Variants in EPS15L1 observed in about 807,000 individuals in gnomAD.
EPS15L1 encodes the protein epidermal growth factor receptor pathway substrate 15 like 1.
Under a neutral mutation model 117.1 loss-of-function variants are expected in EPS15L1, and 43 were observed. The observed-to-expected ratio is 0.37, with a 90% CI of 0.29 to 0.47. The LOEUF (loss-of-function observed/expected upper bound fraction) is 0.47, where lower values mean the gene tolerates loss of function less well. EPS15L1 is among the 20% of genes least tolerant of loss of function. The pLI is 0.99. For synonymous variants in EPS15L1, 459 were observed against 470.5 expected (o/e 0.98, Z 0.32); for missense variants, 981 against 1,164.0 (o/e 0.84, Z 2.29).
Position 16,386,115 on chromosome 19 carries a change from G to C in EPS15L1, c.2164+56C>G. On this transcript the variant is annotated intron_variant, in intron 20 of 23. Coordinates refer to ENST00000455140, the MANE Select transcript of EPS15L1 (RefSeq NM_001258374.3). Reference sequence around the variant, plus strand: ...GGGAGTGAAAGTGTTAACTGCGGGGGAGCTCTGCTACTGCCCAAGGAATAG... The same window carrying C: ...GGGAGTGAAAGTGTTAACTGCGGGGCAGCTCTGCTACTGCCCAAGGAATAG... The C allele has an allele frequency of 2.2e-6, 3 of 1,336,770 alleles. No individual in the cohort carries two copies. In the South Asian group the frequency reaches 3.6e-5, roughly 16 times the overall value. The allele number at this position is 1,336,770 out of a possible 1,614,324, so 82.8% of individuals were successfully genotyped here.
intron 16 of EPS15L1, 73 bp from the exon 17 acceptor site, chr19:16,395,540 T>G (rs2092530939): frequency 6.9e-7 from 1 of 1,448,262 alleles, no homozygotes. Flanking sequence ...AATTCCATAC[T>G]TAACTCACAT....
chr19:16,378,887 C>T (rs1224457604), intron 21 of EPS15L1, among the ~76,000 whole-genome samples: 1 of 152,184 alleles, frequency 6.6e-6, no homozygotes, highest in East Asian at 1.9e-4. Flanking sequence ...AAAATAACTA[C>T]ATTTTTACTA....
At chr19:16,449,780 C>G (rs1358698673) in intron 1 of EPS15L1, among the ~76,000 whole-genome samples, 1 of 152,098 alleles carries the variant, frequency 6.6e-6, no homozygotes, top group East Asian at 1.9e-4. Flanking sequence ...GTTCAGCAAA[C>G]TGTGGTCCAA....
intron 18 of EPS15L1, 35 bp downstream of exon 18, chr19:16,393,916 G>A (rs768063466): frequency 1.9e-6 from 3 of 1,608,046 alleles, no homozygotes; most frequent in Non-Finnish European, 2.6e-6. Flanking sequence ...ACTGGACACA[G>A]TCTAAAGACC....
Position 16,355,658 on chromosome 19 carries a change from T to C in EPS15L1, c.*47A>G, listed in dbSNP as rs1039199834. ...ATATATAGACATCTGCACTGCCCCC[T>C]CTCTGGAACCCGCCCGTGCCCTGTC... On this transcript the variant is annotated 3_prime_UTR_variant, in exon 24 of 24. Coordinates refer to ENST00000455140, the MANE Select transcript of EPS15L1 (RefSeq NM_001258374.3). 2 of 1,522,774 alleles carry C rather than the reference T, an allele frequency of 1.3e-6. No individual in the cohort carries two copies. Among genetic ancestry groups the C allele is most frequent in the Non-Finnish European group, 1.8e-6 (2 of 1,137,626 alleles). 94.3% of individuals were successfully genotyped at this position (1,522,774 alleles called of 1,614,324 possible). A position where few individuals can be genotyped will look rare whatever the true frequency, so the allele number is the denominator to read the frequency against.
chr19:16,408,974 C>T (rs1487158761), intron 13 of EPS15L1, among the ~76,000 whole-genome samples: 1 of 152,134 alleles, frequency 6.6e-6, no homozygotes, highest in Non-Finnish European at 1.5e-5. Flanking sequence ...GTAATCCCAA[C>T]ACTTTGAGAG....
At chr19:16,414,598 G>C (rs973200489) in intron 12 of EPS15L1, among the ~76,000 whole-genome samples, 1 of 151,824 alleles carries the variant, frequency 6.6e-6, no homozygotes, top group Non-Finnish European at 1.5e-5. Flanking sequence ...ACGGGGTTTC[G>C]CTGTGTTGGC....
intron 19 of EPS15L1, 122 bp from the exon 20 acceptor site, chr19:16,386,353 A>G (rs1387050691): frequency 3.9e-6 from 3 of 773,170 alleles, no homozygotes; most frequent in Non-Finnish European, 6.7e-6. Flanking sequence ...GGAAAGTGGA[A>G]TGATTAAAAC....
intron 13 of EPS15L1, chr19:16,413,466 G>T: frequency 2.7e-6 from 2 of 742,314 alleles, no homozygotes; most frequent in Admixed American, 2.3e-5. Context: ...CCTCTGGAAG[G>T]AGACTGTATT....
At chr19:16,392,112 AG>A (rs1404821192) in intron 19 of EPS15L1, among the ~76,000 whole-genome samples, 191 bp downstream of exon 19, 1 of 152,164 alleles carries the variant, frequency 6.6e-6, no homozygotes, top group Admixed American at 6.6e-5. Context: ...TGCAGTGACT[AG>A]GCCAGTGAGC....
intron 12 of EPS15L1, among the ~76,000 whole-genome samples, chr19:16,416,036 T>C (rs533556538): frequency 3.3e-5 from 5 of 152,344 alleles, no homozygotes; most frequent in African/African-American, 9.6e-5. Flanking sequence ...ACTCAGGCCG[T>C]GGCTCAGGTT....
rs369757727 is a variant in EPS15L1, at chr19:16,441,629, C to CAAA, written c.165+260_165+262dup. 164 of 86,982 alleles carry CAAA rather than the reference C, an allele frequency of 1.9e-3. 1 individual carries two copies. The highest frequency in any genetic ancestry group is 3.7e-3 in the South Asian group (10 of 2,706). The allele number at this position is 86,982 out of a possible 1,614,324, so 5.4% of individuals were successfully genotyped here. A position where few individuals can be genotyped will look rare whatever the true frequency, so the allele number is the denominator to read the frequency against. On this transcript the variant is annotated intron_variant, in intron 3 of 23. Coordinates refer to ENST00000455140, the MANE Select transcript of EPS15L1 (RefSeq NM_001258374.3). ...AGGCAACAAGAGCGAAACTCTGTCT[C>CAAA]AAAAAAAAAAAAAAAAAAAAAAGTC...
chr19:16,403,064 A>C (rs1230440960), intron 15 of EPS15L1, among the ~76,000 whole-genome samples: 1 of 152,198 alleles, frequency 6.6e-6, no homozygotes, highest in Non-Finnish European at 1.5e-5. Context: ...ACAGACAGAG[A>C]CCAGTTCAAT....
At chr19:16,450,173 G>A (rs2093126109) in intron 1 of EPS15L1, among the ~76,000 whole-genome samples, 1 of 152,148 alleles carries the variant, frequency 6.6e-6, no homozygotes, top group South Asian at 2.1e-4. Context: ...CCTGAGCCCA[G>A]GAGTTCAAGG....
chr19:16,388,322 G>A (rs186112716), intron 19 of EPS15L1, among the ~76,000 whole-genome samples: 5 of 152,316 alleles, frequency 3.3e-5, no homozygotes, highest in East Asian at 3.9e-4. Flanking sequence ...TTATAGGAAT[G>A]AGCCACTGAA....
Position 16,389,135 on chromosome 19 carries a change from G to A in EPS15L1, c.2104-2904C>T, listed in dbSNP as rs374113216. ...CAGAAATCGCTTGAACTTGGGAGGC[G>A]GAGGTTGGAAAAAAAAAAAGAAAAG... On this transcript the variant is annotated intron_variant, in intron 19 of 23. Transcript: ENST00000455140. 3.2e-4 allele frequency among the ~76,000 whole-genome samples: 48 copies of A among 151,414 alleles called. 1 individual carries two copies. Among genetic ancestry groups the A allele is most frequent in the African/African-American group, 1.1e-3 (44 of 41,130 alleles).
rs747366519 is a variant in EPS15L1 at position 16,425,327 on chromosome 19, AAAC to A, written c.559-14_559-12del. The A allele has an allele frequency of 1.1e-5, 17 of 1,564,214 alleles. No individual in the cohort carries two copies. Among genetic ancestry groups the A allele is most frequent in the Non-Finnish European group, 1.2e-5 (14 of 1,148,942 alleles). On this transcript the variant is annotated splice_polypyrimidine_tract_variant and intron_variant, in intron 8 of 23. Transcript: ENST00000455140. ...CACCAAGTGCATGGCCTGCAGGTGC[AAAC>A]AACAATGGCACTGAAGGGGCAAGGC...
chr19:16,437,473 C>A (rs1473403182), intron 5 of EPS15L1, among the ~76,000 whole-genome samples: 1 of 152,074 alleles, frequency 6.6e-6, no homozygotes, highest in Non-Finnish European at 1.5e-5. Flanking sequence ...TGGTTGCCAG[C>A]GACTGGGAGG....
intron 1 of EPS15L1, among the ~76,000 whole-genome samples, chr19:16,468,706 G>A (rs530235981): frequency 1.3e-5 from 2 of 150,036 alleles, no homozygotes; most frequent in Non-Finnish European, 3.0e-5. Context: ...TGGAACAGGG[G>A]AATATGTTTT....
Sources: allele counts gnomAD v4.1 joint callset (sites outside exome capture counted in the v4.1 genomes callset), GRCh38; gene constraint gnomAD v4.1.1; transcripts MANE v1.5; gene names NCBI Gene and HGNC (gene_info 2026-07-23, HGNC 2026-07-21).